Variants in RBFOX1 observed in about 807,000 individuals in gnomAD.
The protein encoded by RBFOX1 is RNA binding fox-1 homolog 1.
Under a neutral mutation model 57.7 loss-of-function variants are expected in RBFOX1, and 8 were observed. The ratio of observed to expected loss-of-function variants is 0.14; its 90% confidence interval spans 0.08 to 0.25. RBFOX1 has a LOEUF of 0.25. RBFOX1 is among the 10% of genes least tolerant of loss of function. The pLI is 1.00. For synonymous variants in RBFOX1, 326 were observed against 222.4 expected (o/e 1.47, Z -4.15); for missense variants, 611 against 548.5 (o/e 1.11, Z -1.14).
At chr16:6,140,457 A>T (rs2096707073) in intron 1 of RBFOX1, among the ~76,000 whole-genome samples, 1 of 152,136 alleles carries the variant, frequency 6.6e-6, no homozygotes, top group Non-Finnish European at 1.5e-5. Flanking sequence ...TGGCCTCCCA[A>T]ACTGCTGGGA....
rs369085724 is a variant in RBFOX1 at position 7,118,028 on chromosome 16, C to G, written c.27+65930C>G. On this transcript the variant is annotated intron_variant, in intron 4 of 15. Transcript: ENST00000550418. ...CTCTTTGCAATTGTGAATTGTGCTG[C>G]ATTAAGCATGCACATGCAGGTGTGT... Among the ~76,000 whole-genome samples, 5 of 152,274 alleles carry G rather than the reference C, an allele frequency of 3.3e-5. No individual in the cohort carries two copies. In the East Asian group the frequency reaches 9.7e-4, roughly 29 times the overall value.
At chr16:6,058,603 CACCCATCCATCCACCCATCCATCT>C (rs1431766936) in intron 1 of RBFOX1, among the ~76,000 whole-genome samples, 2 of 151,822 alleles carry the variant, frequency 1.3e-5, no homozygotes, top group African/African-American at 4.8e-5. Flanking sequence ...CCCACCCATC[CACCCATCCATCCACCCATCCATCT>C]ACCCACCCAT....
intron 3 of RBFOX1, among the ~76,000 whole-genome samples, chr16:6,719,197 C>G (rs937522445): frequency 1.3e-5 from 2 of 151,984 alleles, no homozygotes; most frequent in South Asian, 2.1e-4. Context: ...TGCAAAAATG[C>G]TATTGACTTC....
chr16:5,709,390 C>G (rs1406876108), intron 3 of RBFOX1, among the ~76,000 whole-genome samples: 1 of 152,116 alleles, frequency 6.6e-6, no homozygotes, highest in Non-Finnish European at 1.5e-5. Context: ...TTGAAATGAA[C>G]CCACCTGGCT....
At chr16:5,744,435 C>T (rs1054640127) in intron 3 of RBFOX1, among the ~76,000 whole-genome samples, 2 of 152,184 alleles carry the variant, frequency 1.3e-5, no homozygotes, top group Admixed American at 6.5e-5. Context: ...TTCTTTTCCG[C>T]TTCCAAATAG....
intron 1 of RBFOX1, among the ~76,000 whole-genome samples, chr16:5,250,014 G>T (rs367685931): frequency 4.0e-5 from 6 of 151,760 alleles, no homozygotes; most frequent in African/African-American, 9.7e-5. Flanking sequence ...TGAGGAGGAG[G>T]TTGCAGTAAG....
chr16:7,669,054 G>A (rs1258366822), intron 13 of RBFOX1, among the ~76,000 whole-genome samples: 3 of 152,230 alleles, frequency 2.0e-5, no homozygotes, highest in Non-Finnish European at 4.4e-5. Flanking sequence ...ACAGGCACTC[G>A]CCACCATGCC....
chr16:6,640,046 T>G lies in RBFOX1; in HGVS notation c.-63-14557T>G, dbSNP rs116389863. Among the ~76,000 whole-genome samples, 886 of 152,240 alleles carry G rather than the reference T, an allele frequency of 5.8e-3. 13 individuals carry two copies. The highest frequency in any genetic ancestry group is 0.02 in the African/African-American group (819 of 41,552). On this transcript the variant is annotated intron_variant, in intron 2 of 15. Coordinates refer to ENST00000550418, the MANE Select transcript of RBFOX1 (RefSeq NM_018723.4). ...ACCCCATTTTCTGAAATACAGAAAC[T>G]AAAGAACAGATAAGTTGCTGCGAAA...
chr16:6,470,496 A>T (rs62016766), intron 2 of RBFOX1, among the ~76,000 whole-genome samples: 1 of 152,156 alleles, frequency 6.6e-6, no homozygotes, highest in African/African-American at 2.4e-5. Flanking sequence ...CAAATATGTC[A>T]GTCTTTCTAT....
At chr16:7,424,527 C>T (rs541212871) in intron 4 of RBFOX1, among the ~76,000 whole-genome samples, 7 of 152,178 alleles carry the variant, frequency 4.6e-5, no homozygotes, top group Non-Finnish European at 8.8e-5. Flanking sequence ...CCAAAAGTGC[C>T]GGGATTACAG....
intron 3 of RBFOX1, among the ~76,000 whole-genome samples, chr16:5,800,910 C>T (rs1189169065): frequency 6.6e-6 from 1 of 152,104 alleles, no homozygotes; most frequent in African/African-American, 2.4e-5. Flanking sequence ...AACTTCCCTG[C>T]CACATGAGGA....
chr16:6,026,198 C>T (rs2095190581), intron 1 of RBFOX1, among the ~76,000 whole-genome samples: 1 of 152,322 alleles, frequency 6.6e-6, no homozygotes, highest in African/African-American at 2.4e-5. Context: ...TTTTCTCTTA[C>T]TCCACTCCAT....
chr16:5,804,733 C>G (rs1405078352), intron 3 of RBFOX1, among the ~76,000 whole-genome samples: 1 of 152,230 alleles, frequency 6.6e-6, no homozygotes, highest in African/African-American at 2.4e-5. Context: ...AGGATTTTCT[C>G]TGCAGCAGTG....
At chr16:5,416,142 C>T (rs1451659631) in intron 1 of RBFOX1, among the ~76,000 whole-genome samples, 1 of 152,196 alleles carries the variant, frequency 6.6e-6, no homozygotes, top group Non-Finnish European at 1.5e-5. Flanking sequence ...TCACTCTGTG[C>T]CAGACACTTT....
chr16:6,655,172 G>T (rs1001380090), intron 3 of RBFOX1, among the ~76,000 whole-genome samples: 2 of 151,502 alleles, frequency 1.3e-5, no homozygotes, highest in Non-Finnish European at 2.9e-5. Flanking sequence ...TCAGGAGTTA[G>T]AGACCAACCT....
intron 2 of RBFOX1, among the ~76,000 whole-genome samples, chr16:6,344,259 C>T (rs1465584326): frequency 6.6e-6 from 1 of 152,028 alleles, no homozygotes; most frequent in Non-Finnish European, 1.5e-5. Context: ...CCATGTTGGC[C>T]AGGATGGTCT....
intron 1 of RBFOX1, among the ~76,000 whole-genome samples, chr16:6,033,673 A>G (rs1411473887): frequency 2.0e-5 from 3 of 152,158 alleles, no homozygotes; most frequent in African/African-American, 7.2e-5. Flanking sequence ...GCACATGCTT[A>G]CATTATTTAA....
At chr16:7,548,402 C>T (rs900816001) in intron 5 of RBFOX1, among the ~76,000 whole-genome samples, 18 of 152,182 alleles carry the variant, frequency 1.2e-4, no homozygotes, top group Non-Finnish European at 2.1e-4. Flanking sequence ...GGTGATCCAC[C>T]GGCTGCGCCA....
intron 13 of RBFOX1, among the ~76,000 whole-genome samples, chr16:7,672,700 C>G (rs755715418): frequency 2.6e-5 from 4 of 151,532 alleles, no homozygotes; most frequent in Non-Finnish European, 5.9e-5. Context: ...AAAACCGCAT[C>G]TCTACTAAAA....
Sources: gnomAD v4.1 joint callset for allele counts (sites outside exome capture counted in the v4.1 genomes callset) on GRCh38, gnomAD v4.1.1 for gene constraint, MANE v1.5 for transcripts, NCBI Gene and HGNC (gene_info 2026-07-23, HGNC 2026-07-21) for gene names.